Variants in CFAP299 observed in about 807,000 individuals in gnomAD.
The protein encoded by CFAP299 is cilia and flagella associated protein 299.
In CFAP299, 21 loss-of-function variants were observed where a neutral mutation model predicts 27.0. The observed-to-expected ratio is 0.78, with a 90% CI of 0.55 to 1.12. The LOEUF (loss-of-function observed/expected upper bound fraction) is 1.12, where lower values mean the gene tolerates loss of function less well. Ranked by LOEUF, CFAP299 falls within the 50% of genes most tolerant of loss-of-function variation. The pLI is 0.00. For missense variants in CFAP299, 310 were observed against 276.6 expected, an observed-to-expected ratio of 1.12 and a Z score of -0.86; for synonymous variants, 104 against 98.1, an observed-to-expected ratio of 1.06 and a Z score of -0.36.
Position 80,502,514 on chromosome 4 carries a change from T to C in CFAP299, c.243-80579T>C, listed in dbSNP as rs1339193605. ...ATAAGAAATGGTAAGTAAGAGTTAT[T>C]CTGGAAAAAAACAAATCTATTGCTG... On this transcript the variant is annotated intron_variant, in intron 2 of 5. Coordinates refer to ENST00000358105, the MANE Select transcript of CFAP299 (RefSeq NM_152770.3). Among the ~76,000 whole-genome samples, 8 of 152,240 alleles carry C rather than the reference T, an allele frequency of 5.3e-5. 1 individual carries two copies. Among genetic ancestry groups the C allele is most frequent in the Admixed American group, 5.2e-4 (8 of 15,264 alleles).
At chr4:80,572,230 T>G (rs186693605) in intron 2 of CFAP299, among the ~76,000 whole-genome samples, 21 of 152,230 alleles carry the variant, frequency 1.4e-4, no homozygotes, top group Non-Finnish European at 3.1e-4. Context: ...AAAGTACTGT[T>G]GACTGTAGTC....
intron 4 of CFAP299, chr4:80,870,750 C>T: frequency 1.0e-6 from 1 of 985,356 alleles, no homozygotes; most frequent in Non-Finnish European, 1.2e-6. Flanking sequence ...ACTATAGAAC[C>T]CCAAAATTAA....
chr4:80,705,313 C>G (rs1034522344), intron 3 of CFAP299, among the ~76,000 whole-genome samples: 1 of 151,702 alleles, frequency 6.6e-6, no homozygotes, highest in African/African-American at 2.4e-5. Context: ...GAATCTCTGC[C>G]AACTTTAGCA....
chr4:80,958,019 G>A (rs894458697), intron 5 of CFAP299, among the ~76,000 whole-genome samples: 7 of 152,060 alleles, frequency 4.6e-5, no homozygotes, highest in Non-Finnish European at 7.4e-5. Flanking sequence ...GTATTCATAA[G>A]GAATCTCAAA....
At chr4:80,768,013 T>C (rs1177063653) in intron 3 of CFAP299, among the ~76,000 whole-genome samples, 1 of 152,218 alleles carries the variant, frequency 6.6e-6, no homozygotes, top group Non-Finnish European at 1.5e-5. Flanking sequence ...AAACACAATA[T>C]GCCTGGTTGT....
intron 1 of CFAP299, among the ~76,000 whole-genome samples, chr4:80,361,007 A>T (rs1055069788): frequency 5.3e-5 from 8 of 152,200 alleles, no homozygotes; most frequent in African/African-American, 1.9e-4. Flanking sequence ...TGGGCATTGT[A>T]CTTCCTTTGG....
Position 80,963,208 on chromosome 4 carries a change from C to T in CFAP299, c.607-309C>T, listed in dbSNP as rs573912877. Among the ~76,000 whole-genome samples, 3 of 152,094 alleles carry T rather than the reference C, an allele frequency of 2.0e-5. No homozygotes were observed. In the South Asian group the frequency reaches 6.2e-4, roughly 32 times the overall value. Reference sequence around the variant, plus strand: ...CCTGAAGTCACATGTGTTTGTAAAGCCTTTCGCTAGGAATTCTGAAGTTAG... The same window carrying T: ...CCTGAAGTCACATGTGTTTGTAAAGTCTTTCGCTAGGAATTCTGAAGTTAG... On this transcript the variant is annotated intron_variant, in intron 5 of 5. Coordinates refer to ENST00000358105, the MANE Select transcript of CFAP299 (RefSeq NM_152770.3).
At chr4:80,916,437 G>A (rs1735772412) in intron 4 of CFAP299, among the ~76,000 whole-genome samples, 2 of 151,392 alleles carry the variant, frequency 1.3e-5, no homozygotes, top group Admixed American at 1.3e-4. Flanking sequence ...TTGAAATGTA[G>A]ACAAGTTATT....
intron 2 of CFAP299, among the ~76,000 whole-genome samples, chr4:80,420,641 G>A (rs973496612): frequency 6.6e-6 from 1 of 152,050 alleles, no homozygotes; most frequent in Admixed American, 6.5e-5. Flanking sequence ...ATGGAGTTGA[G>A]TTCCTTACAT....
intron 2 of CFAP299, among the ~76,000 whole-genome samples, chr4:80,563,382 A>G (rs1270429868): frequency 6.6e-6 from 1 of 152,170 alleles, no homozygotes; most frequent in Non-Finnish European, 1.5e-5. Flanking sequence ...CTAGAAATTA[A>G]TAAAAAGAAT....
intron 2 of CFAP299, among the ~76,000 whole-genome samples, chr4:80,576,849 T>C (rs1735891111): frequency 6.6e-6 from 1 of 152,186 alleles, no homozygotes; most frequent in Admixed American, 6.5e-5. Context: ...ATAGGCTAGA[T>C]TGGAGTTCTT....
At chr4:80,872,340 G>A (rs1368132981) in intron 4 of CFAP299, 1 of 151,854 alleles carries the variant, frequency 6.6e-6, no homozygotes, top group Non-Finnish European at 1.5e-5. Flanking sequence ...CTACCTAAAT[G>A]TTTTTACTAA....
At chr4:80,737,582 C>T (rs1208716330) in intron 3 of CFAP299, among the ~76,000 whole-genome samples, 3 of 152,006 alleles carry the variant, frequency 2.0e-5, no homozygotes, top group East Asian at 1.9e-4. Context: ...TTTAGTTGCT[C>T]ATAGTAGCCA....
intron 3 of CFAP299, among the ~76,000 whole-genome samples, chr4:80,754,310 T>C (rs79879436): frequency 0.011 from 1,656 of 152,252 alleles, 28 homozygotes; most frequent in African/African-American, 0.038. Flanking sequence ...CTTTCCTTTG[T>C]ACTATGTCTT....
chr4:80,450,713 C>A (rs890552564), intron 2 of CFAP299, among the ~76,000 whole-genome samples: 1 of 151,764 alleles, frequency 6.6e-6, no homozygotes, highest in African/African-American at 2.4e-5. Flanking sequence ...GTCCATAGAA[C>A]TATATTTCAC....
intron 5 of CFAP299, among the ~76,000 whole-genome samples, chr4:80,952,549 T>G (rs1737837916): frequency 6.6e-6 from 1 of 152,148 alleles, no homozygotes; most frequent in South Asian, 2.1e-4. Context: ...TTTATTATTT[T>G]TAAAAATAAA....
intron 3 of CFAP299, among the ~76,000 whole-genome samples, chr4:80,868,179 G>A (rs1389704463): frequency 2.0e-5 from 3 of 151,894 alleles, no homozygotes; most frequent in Admixed American, 6.6e-5. Flanking sequence ...AGCCATTATT[G>A]TTGTTTTATA....
At chr4:80,915,741 T>C (rs1430830031) in intron 4 of CFAP299, among the ~76,000 whole-genome samples, 2 of 152,088 alleles carry the variant, frequency 1.3e-5, no homozygotes, top group African/African-American at 2.4e-5. Context: ...ATTTTTTTCC[T>C]TGAGCAGTGT....
intron 5 of CFAP299, among the ~76,000 whole-genome samples, chr4:80,958,455 A>C (rs971446131): frequency 2.0e-5 from 3 of 152,150 alleles, no homozygotes; most frequent in African/African-American, 7.2e-5. Context: ...AAGACTCAAT[A>C]AGAATTTCTG....
Sources: gnomAD v4.1 joint callset for allele counts (sites outside exome capture counted in the v4.1 genomes callset) on GRCh38, gnomAD v4.1.1 for gene constraint, MANE v1.5 for transcripts, NCBI Gene and HGNC (gene_info 2026-07-23, HGNC 2026-07-21) for gene names.